IL31RA: variants seen among roughly 807,000 people sequenced by gnomAD.
The protein encoded by IL31RA is interleukin-31 receptor subunit alpha.
IL31RA carries 66 observed loss-of-function variants against 83.7 expected under a neutral mutation model. The observed-to-expected ratio is 0.79, with a 90% CI of 0.65 to 0.97. The LOEUF (loss-of-function observed/expected upper bound fraction) is 0.97, where lower values mean the gene tolerates loss of function less well. Among genes scored for constraint, IL31RA ranks in the 50% least tolerant of loss-of-function variants. The pLI is 0.00. For missense variants in IL31RA, 798 were observed against 919.4 expected (o/e 0.87, Z 1.71); for synonymous variants, 325 against 329.0 (o/e 0.99, Z 0.13).
chr5:55,860,451 T>G (rs1475263646), intron 2 of IL31RA, among the ~76,000 whole-genome samples: 1 of 152,144 alleles, frequency 6.6e-6, no homozygotes, highest in Non-Finnish European at 1.5e-5. Context: ...TCAGATGGCG[T>G]TGATCACTAG....
At chr5:55,904,277 G>A (rs1748998678) in intron 8 of IL31RA, among the ~76,000 whole-genome samples, 1 of 152,176 alleles carries the variant, frequency 6.6e-6, no homozygotes, top group Non-Finnish European at 1.5e-5. Flanking sequence ...TCTATCTAGA[G>A]TGTGAGTGAC....
chr5:55,857,124 C>T (rs1745408505), intron 1 of IL31RA, among the ~76,000 whole-genome samples: 2 of 150,542 alleles, frequency 1.3e-5, no homozygotes, highest in African/African-American at 2.4e-5. Context: ...TTTGAGACAG[C>T]ATCTGGCTCT....
intron 4 of IL31RA, among the ~76,000 whole-genome samples, chr5:55,879,285 G>A (rs1747042372): frequency 6.6e-6 from 1 of 152,038 alleles, no homozygotes; most frequent in African/African-American, 2.4e-5. Context: ...AGAGGGTGGG[G>A]CAAGGGCAAG....
intron 1 of IL31RA, 143 bp downstream of exon 1, chr5:55,851,776 G>A (rs1200608786): frequency 5.7e-6 from 9 of 1,567,258 alleles, no homozygotes; most frequent in Middle Eastern, 1.7e-4. Flanking sequence ...GCATAATTAT[G>A]TTTGCTTATT....
At chr5:55,894,852 G>C (rs963552135) in intron 6 of IL31RA, among the ~76,000 whole-genome samples, 2 of 152,134 alleles carry the variant, frequency 1.3e-5, no homozygotes, top group Non-Finnish European at 2.9e-5. Context: ...GTGTAGCTGG[G>C]ATTACAGGCA....
chr5:55,897,186 A>G (rs1262555004), intron 7 of IL31RA, among the ~76,000 whole-genome samples: 1 of 144,772 alleles, frequency 6.9e-6, no homozygotes, highest in Non-Finnish European at 1.5e-5. Context: ...TTGATCTCTT[A>G]CCCTTCTAAA....
Position 55,917,832 on chromosome 5 carries a change from C to G in IL31RA, c.*712C>G, listed in dbSNP as rs772824832. ...GCCGGGCGCAGCTCTGTCCAGTCTCCAGGGGGCCACTTCCCAGCTGCTGCT... is the reference window on the plus strand; with the variant it reads ...GCCGGGCGCAGCTCTGTCCAGTCTCGAGGGGGCCACTTCCCAGCTGCTGCT... On this transcript the variant is annotated 3_prime_UTR_variant, in exon 15 of 15. Coordinates refer to ENST00000652347, the MANE Select transcript of IL31RA (RefSeq NM_139017.7). Among the ~76,000 whole-genome samples the G allele has an allele frequency of 6.7e-6, 1 of 149,288 alleles. No homozygotes were observed. Among genetic ancestry groups the G allele is most frequent in the Non-Finnish European group, 1.5e-5 (1 of 67,064 alleles).
chr5:55,853,823 A>C (rs1237606962), intron 1 of IL31RA, among the ~76,000 whole-genome samples: 1 of 152,210 alleles, frequency 6.6e-6, no homozygotes, highest in African/African-American at 2.4e-5. Flanking sequence ...TTTATCTTTC[A>C]GGAAACTCTA....
chr5:55,872,617 A>C (rs1389704741), intron 4 of IL31RA, among the ~76,000 whole-genome samples, 166 bp downstream of exon 4: 1 of 115,018 alleles, frequency 8.7e-6, no homozygotes, highest in Non-Finnish European at 1.8e-5. Flanking sequence ...AAGTGGGGGA[A>C]GGAGGGAAGG....
At chr5:55,847,232 A>AAAAAAAAAT (rs1744947087), upstream of IL31RA, among the ~76,000 whole-genome samples, 3 of 43,286 alleles carry the variant, frequency 6.9e-5, no homozygotes, top group African/African-American at 3.4e-4. Flanking sequence ...AACAGAAAAA[A>AAAAAAAAAT]AAAAAAAAAT....
chr5:55,858,015 T>G (rs559976462), intron 1 of IL31RA, among the ~76,000 whole-genome samples: 1 of 152,308 alleles, frequency 6.6e-6, no homozygotes, highest in South Asian at 2.1e-4. Context: ...CTGGGATGAT[T>G]TAGTACTGCT....
rs1235138364 is a variant in IL31RA, at chr5:55,886,268, C to CTTGCTTTTTTTTTTTTTTT, written c.606+3075_606+3076insGCTTTTTTTTTTTTTTTTT. Among the ~76,000 whole-genome samples the CTTGCTTTTTTTTTTTTTTT allele has an allele frequency of 2.2e-4, 16 of 71,496 alleles. 2 individuals are homozygous for CTTGCTTTTTTTTTTTTTTT. Among genetic ancestry groups the CTTGCTTTTTTTTTTTTTTT allele is most frequent in the African/African-American group, 1.0e-3 (14 of 13,712 alleles). 46.9% of individuals were successfully genotyped at this position (71,496 alleles called of 152,430 possible). A position where few individuals can be genotyped will look rare whatever the true frequency, so the allele number is the denominator to read the frequency against. ...GCTAGCTTGCTTGCTTGCTTGCTTGCTTTTTTTTTTTTTTTTTTTTTTTGA... is the reference window on the plus strand; with the variant it reads ...GCTAGCTTGCTTGCTTGCTTGCTTGCTTGCTTTTTTTTTTTTTTTTTTTTTTTTTTTTTTTTTTTTTTGA... On this transcript the variant is annotated intron_variant, in intron 5 of 14. Coordinates refer to ENST00000652347, the MANE Select transcript of IL31RA (RefSeq NM_139017.7).
At chr5:55,897,268 A>G (rs1228936680) in intron 7 of IL31RA, among the ~76,000 whole-genome samples, 20 of 151,058 alleles carry the variant, frequency 1.3e-4, no homozygotes, top group Non-Finnish European at 1.5e-5. Context: ...CAAATCTCAC[A>G]TTGGTTGGCC....
At chr5:55,862,259 T>C (rs1745734660) in intron 2 of IL31RA, among the ~76,000 whole-genome samples, 1 of 152,202 alleles carries the variant, frequency 6.6e-6, no homozygotes, top group South Asian at 2.1e-4. Context: ...TCTACCCTCA[T>C]CCAGTTTATC....
rs1045123286 is a variant in IL31RA, at chr5:55,917,198, A to G, written c.*78A>G. 2.4e-5 allele frequency: 38 copies of G among 1,605,804 alleles called. No individual in the cohort carries two copies. In the African/African-American group the frequency reaches 4.3e-4, roughly 18 times the overall value. Reference sequence around the variant, plus strand: ...GAGAAGATGTCAAGACTCGGCACGCAGCGCTTGCTTGGCCCTGCCACATCC... The same window carrying G: ...GAGAAGATGTCAAGACTCGGCACGCGGCGCTTGCTTGGCCCTGCCACATCC... On this transcript the variant is annotated 3_prime_UTR_variant, in exon 15 of 15. Coordinates refer to ENST00000652347, the MANE Select transcript of IL31RA (RefSeq NM_139017.7).
At chr5:55,887,112 G>C (rs924416405) in intron 5 of IL31RA, among the ~76,000 whole-genome samples, 10 of 152,166 alleles carry the variant, frequency 6.6e-5, no homozygotes, top group African/African-American at 2.4e-4. Flanking sequence ...CGTTTAACAA[G>C]ACCCATATTT....
intron 3 of IL31RA, among the ~76,000 whole-genome samples, chr5:55,870,987 A>G (rs1298849828): frequency 6.6e-6 from 1 of 152,256 alleles, no homozygotes; most frequent in Non-Finnish European, 1.5e-5. Flanking sequence ...TTCAACTACA[A>G]TTATAGTAAT....
chr5:55,879,508 A>T (rs533747844), intron 4 of IL31RA, among the ~76,000 whole-genome samples: 10 of 128,540 alleles, frequency 7.8e-5, no homozygotes, highest in South Asian at 2.7e-4. Context: ...TCTTGGCTCA[A>T]TGCAACCTCC....
At chr5:55,884,822 G>A (rs531197703) in intron 5 of IL31RA, among the ~76,000 whole-genome samples, 17 of 152,216 alleles carry the variant, frequency 1.1e-4, no homozygotes, top group African/African-American at 3.9e-4. Flanking sequence ...CTTATCATTT[G>A]TTGGTTTTTA....
Sources: gnomAD v4.1 joint callset for allele counts (sites outside exome capture counted in the v4.1 genomes callset) on GRCh38, gnomAD v4.1.1 for gene constraint, MANE v1.5 for transcripts, NCBI Gene and HGNC (gene_info 2026-07-23, HGNC 2026-07-21) for gene names.